The following PIK3C2G variants were observed in gnomAD, a reference collection of about 807,000 sequenced individuals.
PIK3C2G encodes phosphatidylinositol 3-kinase C2 domain-containing subunit gamma.
Under a neutral mutation model 181.1 loss-of-function variants are expected in PIK3C2G, and 168 were observed. The observed-to-expected ratio is 0.93, with a 90% CI of 0.82 to 1.05. The LOEUF (loss-of-function observed/expected upper bound fraction) is 1.05, where lower values mean the gene tolerates loss of function less well. Ranked by LOEUF, PIK3C2G falls within the 50% of genes least tolerant of loss-of-function variation. The pLI, the probability that PIK3C2G is intolerant of heterozygous loss-of-function variation, is 0.00. For synonymous variants in PIK3C2G, 573 were observed against 592.2 expected (o/e 0.97, Z 0.47); for missense variants, 1,869 against 1,732.8 (o/e 1.08, Z -1.40).
At chr12:18,702,162 A>G in the PIK3C2G span, among the ~76,000 whole-genome samples, 2 of 152,098 alleles carry the variant, frequency 1.3e-5, no homozygotes, top group Non-Finnish European at 2.9e-5. Context: ...TTCTTATCCA[A>G]CATTAAAAAG....
At position 18,338,663 on chromosome 12, in the gene PIK3C2G, CTGTGTGTGTGTGTG is replaced by C. The variant is rs199613361; in HGVS notation, c.1395+148_1395+161del. ...TTTCCGTGTGTATGTTTGTGTGTATCTGTGTGTGTGTGTGTGTGTGTGTGTGTGTGTGTGTGTGT... is the reference window on the plus strand; with the variant it reads ...TTTCCGTGTGTATGTTTGTGTGTATCTGTGTGTGTGTGTGTGTGTGTGTGT... On this transcript the variant is annotated intron_variant, in intron 9 of 32. Transcript: ENST00000538779. 1,069 of 413,940 alleles carry C rather than the reference CTGTGTGTGTGTGTG, an allele frequency of 2.6e-3. 3 individuals carry two copies. The highest frequency in any genetic ancestry group is 0.014 in the African/African-American group (661 of 46,066). 25.6% of individuals were successfully genotyped at this position (413,940 alleles called of 1,614,324 possible).
intron 31 of PIK3C2G, among the ~76,000 whole-genome samples, chr12:18,623,957 T>A (rs1948981703): frequency 6.6e-6 from 1 of 151,930 alleles, no homozygotes; most frequent in Non-Finnish European, 1.5e-5. Context: ...GTTATCTATA[T>A]ATAAAATCAT....
In PIK3C2G at chr12:18,391,253, G is replaced by C; in HGVS notation, c.2126+1G>C. The C allele has an allele frequency of 3.2e-6, 5 of 1,568,278 alleles. No homozygotes were observed. Among genetic ancestry groups the C allele is most frequent in the Middle Eastern group, 1.7e-4 (1 of 5,916 alleles). ...TTTCACAGAAACAGACTCCCCTACT[G>C]TAAGTGACCTAGGTCTTGTGAATGA... On this transcript the variant is annotated splice_donor_variant, in intron 15 of 32. Transcript: ENST00000538779. LOFTEE classifies it high-confidence loss of function.
At chr12:18,591,792 T>C (rs1168777516) in intron 29 of PIK3C2G, among the ~76,000 whole-genome samples, 1 of 151,636 alleles carries the variant, frequency 6.6e-6, no homozygotes, top group Non-Finnish European at 1.5e-5. Context: ...AGAGACTGGA[T>C]TGGATTAAAG....
intron 24 of PIK3C2G, among the ~76,000 whole-genome samples, chr12:18,536,950 T>G (rs542820457): frequency 2.1e-4 from 32 of 152,192 alleles, no homozygotes; most frequent in African/African-American, 7.7e-4. Context: ...TTCCAGCCTT[T>G]CCTCCAGGCA....
chr12:18,255,886 C>G, intron 1 of PIK3C2G, among the ~76,000 whole-genome samples: 1 of 152,290 alleles, frequency 6.6e-6, no homozygotes, highest in South Asian at 2.1e-4. Context: ...ACCTCTTCTG[C>G]TATGGCAGTG....
At chr12:18,466,994 T>C (rs1937953800) in intron 18 of PIK3C2G, among the ~76,000 whole-genome samples, 2 of 152,062 alleles carry the variant, frequency 1.3e-5, no homozygotes, top group Admixed American at 1.3e-4. Flanking sequence ...TCAACAGGAC[T>C]CTTAATTTTC....
chr12:18,398,970 C>A (rs200960861), intron 15 of PIK3C2G, among the ~76,000 whole-genome samples: 1 of 151,562 alleles, frequency 6.6e-6, no homozygotes, highest in Admixed American at 6.6e-5. Context: ...CCGAGGCGGG[C>A]GGATCACGAG....
At chr12:18,638,867 A>G (rs1410393876) in intron 31 of PIK3C2G, among the ~76,000 whole-genome samples, 1 of 150,346 alleles carries the variant, frequency 6.7e-6, no homozygotes, top group Admixed American at 6.6e-5. Flanking sequence ...TAGGGATTAT[A>G]GGCAGGATAT....
At chr12:18,559,565 G>T (rs1945186036) in intron 26 of PIK3C2G, among the ~76,000 whole-genome samples, 1 of 151,140 alleles carries the variant, frequency 6.6e-6, no homozygotes, top group Admixed American at 6.6e-5. Context: ...AGGGTTCTGT[G>T]GCAAATATAA....
At chr12:18,529,538 C>G (rs1470431573) in intron 24 of PIK3C2G, among the ~76,000 whole-genome samples, 3 of 152,164 alleles carry the variant, frequency 2.0e-5, no homozygotes, top group Admixed American at 6.6e-5. Flanking sequence ...TTTGAGGAAA[C>G]TGCCTCTGTG....
chr12:18,708,980 T>C, the PIK3C2G span, among the ~76,000 whole-genome samples: 7,843 of 152,206 alleles, frequency 0.052, 289 homozygotes, highest in Non-Finnish European at 0.077. Flanking sequence ...TTTTGTTGGT[T>C]GATTGTTTCC....
intron 18 of PIK3C2G, 46 bp from the exon 19 acceptor site, chr12:18,488,403 A>G (rs1002203914): frequency 3.7e-6 from 5 of 1,357,268 alleles, no homozygotes; most frequent in Non-Finnish European, 4.9e-6. Flanking sequence ...GTGGTTTAAA[A>G]AATTAGCTTT....
At chr12:18,352,790 C>G (rs1940342984) in intron 11 of PIK3C2G, among the ~76,000 whole-genome samples, 1 of 152,086 alleles carries the variant, frequency 6.6e-6, no homozygotes, top group African/African-American at 2.4e-5. Context: ...CCTGGCCAAA[C>G]TCTTCTTTGA....
chr12:18,370,382 A>T (rs1941961157), intron 12 of PIK3C2G, among the ~76,000 whole-genome samples: 2 of 152,116 alleles, frequency 1.3e-5, no homozygotes, highest in African/African-American at 4.8e-5. Context: ...TCTATAATCC[A>T]TCCAGGATCT....
chr12:18,696,346 A>ATATG, the PIK3C2G span: 1 of 198,256 alleles, frequency 5.0e-6, no homozygotes, highest in Non-Finnish European at 8.9e-6. Context: ...ATATATATAT[A>ATATG]TATATCATAT....
At chr12:18,688,263 T>C in the PIK3C2G span, 3 of 1,552,380 alleles carry the variant, frequency 1.9e-6, no homozygotes, top group East Asian at 4.5e-5. Context: ...AGATATTAAG[T>C]TACATCACCA....
the PIK3C2G span, among the ~76,000 whole-genome samples, chr12:18,715,123 C>T: frequency 7.6e-6 from 1 of 130,952 alleles, no homozygotes; most frequent in African/African-American, 2.9e-5. Context: ...AACACTAAGT[C>T]AATGTACTGA....
intron 13 of PIK3C2G, among the ~76,000 whole-genome samples, chr12:18,374,930 C>G (rs975008806): frequency 4.6e-5 from 7 of 152,192 alleles, no homozygotes; most frequent in African/African-American, 1.7e-4. Flanking sequence ...AGAAGCCCAG[C>G]AGATGCCAGC....
Sources: allele counts gnomAD v4.1 joint callset (sites outside exome capture counted in the v4.1 genomes callset), GRCh38; gene constraint gnomAD v4.1.1; transcripts MANE v1.5; gene names NCBI Gene and HGNC (gene_info 2026-07-23, HGNC 2026-07-21).